Variants in PCDHGA2 observed in about 807,000 individuals in gnomAD.
PCDHGA2 encodes the protein protocadherin gamma subfamily A, 2, also known as protocadherin gamma-A2.
A neutral mutation model predicts 59.2 loss-of-function variants in PCDHGA2; 40 were observed. That is an observed-to-expected ratio of 0.68 (90% CI 0.52 to 0.88). The LOEUF (loss-of-function observed/expected upper bound fraction) is 0.88, where lower values mean the gene tolerates loss of function less well. Among genes scored for constraint, PCDHGA2 ranks in the 40% least tolerant of loss-of-function variants. The pLI, the probability that PCDHGA2 is intolerant of heterozygous loss-of-function variation, is 0.00. For missense variants in PCDHGA2, 1,226 were observed against 1,204.0 expected (o/e 1.02, Z -0.27); for synonymous variants, 560 against 526.0 (o/e 1.06, Z -0.89).
chr5:141,347,257 G>A (rs926144126), intron 1 of PCDHGA2, among the ~76,000 whole-genome samples: 1 of 151,442 alleles, frequency 6.6e-6, no homozygotes, highest in Non-Finnish European at 1.5e-5. Flanking sequence ...AGACTCAAGT[G>A]ATCCTCCCAC....
intron 1 of PCDHGA2, chr5:141,421,678 G>C (rs903229017): frequency 3.7e-6 from 6 of 1,613,776 alleles, no homozygotes; most frequent in Non-Finnish European, 5.1e-6. Context: ...AATTCCTGGG[G>C]CGCGATTTGC....
In PCDHGA2 at chr5:141,431,457, T is replaced by C; in HGVS notation, c.2425-63350T>C. ...ACCGCGCGCATCCGCGTGATGGTTC[T>C]GGATGCGAACGACAACGCACCAGCG... On this transcript the variant is annotated intron_variant, in intron 1 of 3. Transcript: ENST00000394576. This position sits in a 1 kb window ranked among gnomAD's most constrained non-coding sequence, Gnocchi z 4.8. 6.2e-7 allele frequency: 1 copy of C among 1,613,818 alleles called. No homozygotes were observed. Among genetic ancestry groups the C allele is most frequent in the South Asian group, 1.1e-5 (1 of 91,088 alleles).
intron 1 of PCDHGA2, chr5:141,479,494 G>C (rs747201739): frequency 2.6e-5 from 4 of 152,256 alleles, no homozygotes; most frequent in Non-Finnish European, 5.9e-5. Flanking sequence ...CCATCAGGTT[G>C]CCTAAAGAGG....
At chr5:141,382,671 T>C in intron 1 of PCDHGA2, 1 of 434,850 alleles carries the variant, frequency 2.3e-6, no homozygotes, top group Non-Finnish European at 4.0e-6. Context: ...GCGCCGCTGT[T>C]CACCAACCAG....
chr5:141,399,608 C>T (rs767025311), intron 1 of PCDHGA2: 3 of 1,613,962 alleles, frequency 1.9e-6, no homozygotes, highest in Non-Finnish European at 2.5e-6. Flanking sequence ...GACCTAGAGC[C>T]TCTGGCACTG....
chr5:141,432,610 C>T lies in PCDHGA2; in HGVS notation c.2425-62197C>T, dbSNP rs1481968343. 9.3e-6 allele frequency: 15 copies of T among 1,613,954 alleles called. No homozygotes were observed. Among genetic ancestry groups the T allele is most frequent in the Non-Finnish European group, 1.3e-5 (15 of 1,179,978 alleles). On this transcript the variant is annotated intron_variant, in intron 1 of 3. Transcript: ENST00000394576. This position sits in a 1 kb window ranked among gnomAD's most constrained non-coding sequence, Gnocchi z 6.0. The stretch of plus-strand genomic sequence containing the variant: ...TCAAGGCCAGCGAGCCGGGACTCTT[C>T]TCGGTGGGTCTGCACACGGGCGAGG...
intron 1 of PCDHGA2, chr5:141,428,189 CTCTCTGCGCCGCTACGCTTCACCTAG>C: frequency 7.0e-7 from 1 of 1,429,262 alleles, no homozygotes; most frequent in Non-Finnish European, 9.7e-7. Flanking sequence ...ACAGCCGCCG[CTCTCTGCGCCGCTACGCTTCACCTAG>C]TCTTCGCAGA....
chr5:141,349,377 A>G (rs1008003671), intron 1 of PCDHGA2, among the ~76,000 whole-genome samples: 2 of 152,110 alleles, frequency 1.3e-5, no homozygotes, highest in African/African-American at 4.8e-5. Context: ...AGTATTTAAT[A>G]TACATTCATA....
Position 141,483,648 on chromosome 5 carries a change from T to TTGTG in PCDHGA2, c.2425-11141_2425-11138dup, listed in dbSNP as rs111458813. ...GGAGAAGGTATAGAGGGGTGTGTGTTTGTGTGTGTGTGTGTGTGTGTAAAA... is the reference window on the plus strand; with the variant it reads ...GGAGAAGGTATAGAGGGGTGTGTGTTTGTGTGTGTGTGTGTGTGTGTGTGTAAAA... On this transcript the variant is annotated intron_variant, in intron 1 of 3. Coordinates refer to ENST00000394576, the MANE Select transcript of PCDHGA2 (RefSeq NM_018915.4). Among the ~76,000 whole-genome samples, 501 of 149,686 alleles carry TTGTG rather than the reference T, an allele frequency of 3.3e-3. 2 individuals are homozygous for TTGTG. Among genetic ancestry groups the TTGTG allele is most frequent in the African/African-American group, 7.3e-3 (297 of 40,842 alleles).
chr5:141,438,617 TATATATATATATATATATACAC>T (rs1342425883), intron 1 of PCDHGA2, among the ~76,000 whole-genome samples: 18 of 37,162 alleles, frequency 4.8e-4, no homozygotes, highest in Admixed American at 2.0e-3. Flanking sequence ...TATATATATA[TATATATATATATATATATACAC>T]ACACACACAC....
At chr5:141,354,906 A>G (rs942158415) in intron 1 of PCDHGA2, 1 of 402,682 alleles carries the variant, frequency 2.5e-6, no homozygotes, top group Non-Finnish European at 4.4e-6. Context: ...ATAGGAATAG[A>G]AAAGTGTATA....
chr5:141,372,451 C>T, intron 1 of PCDHGA2: 1 of 1,614,042 alleles, frequency 6.2e-7, no homozygotes, highest in Non-Finnish European at 8.5e-7. Context: ...GACCCTCAGG[C>T]GGAGCTACAG....
intron 1 of PCDHGA2, among the ~76,000 whole-genome samples, chr5:141,463,438 CTTTTTTTTTTTTTTTT>C (rs71576115): frequency 1.9e-5 from 2 of 103,256 alleles, no homozygotes; most frequent in African/African-American, 4.5e-5. Context: ...TTTCCTTCTC[CTTTTTTTTTTTTTTTT>C]TTTTTTTTTT....
At chr5:141,478,963 A>G (rs193236728) in intron 1 of PCDHGA2, among the ~76,000 whole-genome samples, 5 of 152,322 alleles carry the variant, frequency 3.3e-5, no homozygotes, top group East Asian at 1.9e-4. Context: ...TCATTCCTCC[A>G]CCTTTCAAGT....
rs143907071 is a variant in PCDHGA2, at chr5:141,372,926, G to A, written c.2424+31531G>A. 48 of 943,814 alleles carry A rather than the reference G, an allele frequency of 5.1e-5. No individual in the cohort carries two copies. In the African/African-American group the frequency reaches 7.5e-4, roughly 15 times the overall value. 58.5% of individuals were successfully genotyped at this position (943,814 alleles called of 1,614,324 possible). On this transcript the variant is annotated intron_variant, in intron 1 of 3. Coordinates refer to ENST00000394576, the MANE Select transcript of PCDHGA2 (RefSeq NM_018915.4). ...GATTACATTATTTTATTGATTTTCT[G>A]GTGTAGAGTAGGGTGTCTAGGAAAT...
chr5:141,498,805 C>T (rs1397026274), intron 2 of PCDHGA2, among the ~76,000 whole-genome samples: 1 of 152,000 alleles, frequency 6.6e-6, no homozygotes, highest in Non-Finnish European at 1.5e-5. Flanking sequence ...TGGTGGTGCA[C>T]ACCTGTAGTC....
rs780436102 is a variant in PCDHGA2, at chr5:141,431,846, G to A, written c.2425-62961G>A. 1 of 1,614,274 alleles carries A rather than the reference G, an allele frequency of 6.2e-7. No individual in the cohort carries two copies. Among genetic ancestry groups the A allele is most frequent in the South Asian group, 1.1e-5 (1 of 91,088 alleles). On this transcript the variant is annotated intron_variant, in intron 1 of 3. Coordinates refer to ENST00000394576, the MANE Select transcript of PCDHGA2 (RefSeq NM_018915.4). The surrounding 1 kb of genome is among the most constrained non-coding windows in gnomAD (Gnocchi z 4.8). ...CTCGGTTCCCGAAAACTCTCCCAGA[G>A]GGACATTAATTGCCCTTTTAAATGT...
chr5:141,415,007 G>C, intron 1 of PCDHGA2: 1 of 1,613,654 alleles, frequency 6.2e-7, no homozygotes, highest in Non-Finnish European at 8.5e-7. Context: ...CTGTCCTACC[G>C]TCTGCTCAAG....
intron 1 of PCDHGA2, chr5:141,352,683 A>G (rs1230396001): frequency 6.4e-7 from 1 of 1,563,666 alleles, no homozygotes; most frequent in Non-Finnish European, 8.7e-7. Context: ...AGTTTCTGCA[A>G]ATCTAGTTAA....
Sources: allele counts gnomAD v4.1 joint callset (sites outside exome capture counted in the v4.1 genomes callset), GRCh38; gene constraint gnomAD v4.1.1; non-coding constraint Gnocchi (gnomAD v3.1); transcripts MANE v1.5; gene names NCBI Gene and HGNC (gene_info 2026-07-23, HGNC 2026-07-21).